The following SYT1 variants were observed in gnomAD, a reference collection of about 807,000 sequenced individuals.
SYT1 encodes synaptotagmin 1.
In SYT1, 8 loss-of-function variants were observed where a neutral mutation model predicts 44.8. That is an observed-to-expected ratio of 0.18 (90% CI 0.10 to 0.32). SYT1 has a LOEUF of 0.32. SYT1 is among the 10% of genes least tolerant of loss of function. The probability of loss-of-function intolerance (pLI) is 1.00; values close to 1 mark genes in which losing one functional copy is unlikely to be tolerated. For synonymous variants in SYT1, 154 were observed against 188.8 expected (o/e 0.82, Z 1.51); for missense variants, 286 against 509.3 (o/e 0.56, Z 4.22).
intron 3 of SYT1, among the ~76,000 whole-genome samples, chr12:79,105,631 A>G (rs898001084): frequency 1.3e-5 from 2 of 152,230 alleles, no homozygotes; most frequent in Non-Finnish European, 2.9e-5. Flanking sequence ...CTGTAATCCC[A>G]GCACTTTGGT....
At chr12:79,030,759 C>G (rs1196056914) in intron 2 of SYT1, among the ~76,000 whole-genome samples, 1 of 150,924 alleles carries the variant, frequency 6.6e-6, no homozygotes, top group Admixed American at 6.6e-5. Context: ...TTTGGTGAGG[C>G]CATCCCAAAA....
intron 3 of SYT1, among the ~76,000 whole-genome samples, chr12:79,171,448 G>A (rs1871517074): frequency 6.6e-6 from 1 of 151,872 alleles, no homozygotes; most frequent in Admixed American, 6.6e-5. Flanking sequence ...TATTCTTTAT[G>A]TGGCAAGAGT....
chr12:79,126,872 G>T (rs1868477170), intron 3 of SYT1, among the ~76,000 whole-genome samples: 1 of 152,158 alleles, frequency 6.6e-6, no homozygotes. Context: ...ACCCTATGGT[G>T]TCTATACTGA....
chr12:79,277,331 C>A (rs1055300457), intron 4 of SYT1, among the ~76,000 whole-genome samples: 1 of 152,134 alleles, frequency 6.6e-6, no homozygotes, highest in African/African-American at 2.4e-5. Flanking sequence ...TCAGCAGAAA[C>A]CTTCTAAACC....
chr12:79,365,535 G>A, intron 9 of SYT1, among the ~76,000 whole-genome samples: 1 of 152,022 alleles, frequency 6.6e-6, no homozygotes. Flanking sequence ...CGAAAAGAAA[G>A]CTTTGCCTCA....
intron 9 of SYT1, among the ~76,000 whole-genome samples, chr12:79,375,756 G>A (rs1883968211): frequency 6.6e-6 from 1 of 151,952 alleles, no homozygotes; most frequent in Admixed American, 6.6e-5. Flanking sequence ...CTTGTTATTT[G>A]ACTGATGCCC....
At chr12:78,997,017 A>AG (rs1393801394) in intron 2 of SYT1, among the ~76,000 whole-genome samples, 5 of 152,216 alleles carry the variant, frequency 3.3e-5, no homozygotes, top group Non-Finnish European at 7.3e-5. Context: ...TCAAAGAGAG[A>AG]GGGATCAAAA....
intron 3 of SYT1, among the ~76,000 whole-genome samples, chr12:79,193,258 T>A (rs929592873): frequency 2.0e-5 from 3 of 152,124 alleles, no homozygotes; most frequent in Non-Finnish European, 4.4e-5. Flanking sequence ...GATGTATAAA[T>A]AATAAATATA....
Position 79,257,638 on chromosome 12 carries a change from C to T in SYT1, c.167-28149C>T, listed in dbSNP as rs536572187. Among the ~76,000 whole-genome samples the T allele has an allele frequency of 1.1e-3, 174 of 152,294 alleles. 1 individual carries two copies. Among genetic ancestry groups the T allele is most frequent in the Admixed American group, 5.9e-3 (90 of 15,308 alleles). On this transcript the variant is annotated intron_variant, in intron 4 of 10. Transcript: ENST00000261205. ...GAGTAGCTGGGACTACAGGCACCCG[C>T]CACAACCCCCGGCTGATTTTTTGTA...
intron 2 of SYT1, among the ~76,000 whole-genome samples, chr12:78,992,263 C>A (rs979221696): frequency 1.3e-5 from 2 of 152,148 alleles, no homozygotes; most frequent in Admixed American, 6.5e-5. Flanking sequence ...GTCCTTTATA[C>A]ACAATAATTA....
At chr12:79,283,392 C>T (rs1879147286) in intron 4 of SYT1, among the ~76,000 whole-genome samples, 1 of 152,148 alleles carries the variant, frequency 6.6e-6, no homozygotes, top group Non-Finnish European at 1.5e-5. Flanking sequence ...TTCCTGTAAT[C>T]TCATGTTCCT....
At chr12:79,332,027 C>A (rs978672879) in intron 8 of SYT1, among the ~76,000 whole-genome samples, 2 of 152,110 alleles carry the variant, frequency 1.3e-5, no homozygotes, top group Admixed American at 6.6e-5. Flanking sequence ...CCTAAAGTTA[C>A]AATTGCATAA....
intron 3 of SYT1, among the ~76,000 whole-genome samples, chr12:79,149,564 AT>A (rs1395100301): frequency 6.6e-6 from 1 of 152,120 alleles, no homozygotes; most frequent in Non-Finnish European, 1.5e-5. Context: ...CATATAACAT[AT>A]TTTTTTAATC....
At chr12:78,912,203 C>G (rs1876375521) in intron 1 of SYT1, among the ~76,000 whole-genome samples, 1 of 151,898 alleles carries the variant, frequency 6.6e-6, no homozygotes, top group Non-Finnish European at 1.5e-5. Context: ...ACCCCATCTT[C>G]TTCCTTTCGT....
intron 7 of SYT1, 86 bp downstream of exon 7, chr12:79,296,322 C>T (rs1421694977): frequency 2.2e-6 from 3 of 1,349,114 alleles, no homozygotes; most frequent in East Asian, 2.4e-5. Context: ...TAGACATGCA[C>T]ATGAATGCTT....
In SYT1 at chr12:79,120,713, A is replaced by G. The variant is rs74107306; in HGVS notation, c.-18+73351A>G. 2.4e-3 allele frequency among the ~76,000 whole-genome samples: 365 copies of G among 152,236 alleles called. 3 individuals carry two copies. The highest frequency in any genetic ancestry group is 8.6e-3 in the African/African-American group (356 of 41,548). On this transcript the variant is annotated intron_variant, in intron 3 of 10. Coordinates refer to ENST00000261205, the MANE Select transcript of SYT1 (RefSeq NM_005639.3). The stretch of plus-strand genomic sequence containing the variant: ...TTATCAAAAAGTTATATGATGTTTC[A>G]TGTGATTAAATTCTAAGAAGATGTT...
chr12:79,088,354 A>G (rs1454893007), intron 3 of SYT1, among the ~76,000 whole-genome samples: 1 of 152,098 alleles, frequency 6.6e-6, no homozygotes, highest in African/African-American at 2.4e-5. Flanking sequence ...CTGACAATAG[A>G]CAGGTTAACA....
intron 4 of SYT1, among the ~76,000 whole-genome samples, chr12:79,247,408 T>G (rs2138677474): frequency 6.6e-6 from 1 of 152,310 alleles, no homozygotes; most frequent in South Asian, 2.1e-4. Flanking sequence ...TTAAACATTC[T>G]TGGCCTAGAA....
At chr12:79,139,159 G>C (rs1869395286) in intron 3 of SYT1, among the ~76,000 whole-genome samples, 1 of 152,094 alleles carries the variant, frequency 6.6e-6, no homozygotes, top group Non-Finnish European at 1.5e-5. Context: ...TCCTACATAA[G>C]GCAGCTCACA....
Sources: allele counts gnomAD v4.1 joint callset (sites outside exome capture counted in the v4.1 genomes callset), GRCh38; gene constraint gnomAD v4.1.1; transcripts MANE v1.5; gene names NCBI Gene and HGNC (gene_info 2026-07-23, HGNC 2026-07-21).